TAF3: variants seen among roughly 807,000 people sequenced by gnomAD.
TAF3 encodes the protein transcription initiation factor TFIID subunit 3.
Under a neutral mutation model 80.6 loss-of-function variants are expected in TAF3, and 7 were observed. The observed-to-expected ratio is 0.09, with a 90% CI of 0.05 to 0.16. TAF3 has a LOEUF of 0.16. Ranked by LOEUF, TAF3 falls within the 10% of genes least tolerant of loss-of-function variation. The pLI is 1.00. For synonymous variants in TAF3, 444 were observed against 446.1 expected (o/e 1.00, Z 0.06); for missense variants, 921 against 1,140.2 (o/e 0.81, Z 2.77).
chr10:7,894,060 A>G (rs756779096), intron 2 of TAF3, among the ~76,000 whole-genome samples: 13 of 152,164 alleles, frequency 8.5e-5, no homozygotes, highest in Non-Finnish European at 1.5e-4. Flanking sequence ...ATTTTGTTTT[A>G]TTAGTACTAA....
intron 2 of TAF3, among the ~76,000 whole-genome samples, chr10:7,836,170 C>A (rs1490687195): frequency 2.0e-5 from 3 of 152,154 alleles, no homozygotes; most frequent in African/African-American, 7.2e-5. Flanking sequence ...AGTTGACTTT[C>A]CTACTCTCAT....
chr10:7,933,619 T>C (rs746957207), intron 2 of TAF3, among the ~76,000 whole-genome samples: 54 of 152,184 alleles, frequency 3.5e-4, no homozygotes, highest in Non-Finnish European at 6.2e-4. Context: ...TTCACAGTGG[T>C]GAAGTGATAG....
chr10:7,897,437 C>T (rs1383067943), intron 2 of TAF3, among the ~76,000 whole-genome samples: 1 of 152,188 alleles, frequency 6.6e-6, no homozygotes, highest in African/African-American at 2.4e-5. Flanking sequence ...TGTATACTGT[C>T]AGAGTTTTCT....
chr10:7,852,317 C>A (rs778770722), intron 2 of TAF3, among the ~76,000 whole-genome samples: 1 of 152,198 alleles, frequency 6.6e-6, no homozygotes, highest in Non-Finnish European at 1.5e-5. Flanking sequence ...ATGTTATAAA[C>A]GTTTGTTGGT....
intron 4 of TAF3, among the ~76,000 whole-genome samples, chr10:7,992,676 G>A (rs1489009529): frequency 6.6e-6 from 1 of 152,144 alleles, no homozygotes; most frequent in Non-Finnish European, 1.5e-5. Flanking sequence ...GTAGTATTCT[G>A]TTGACCTAGT....
chr10:7,858,807 T>TGTGA (rs1837110562), intron 2 of TAF3, among the ~76,000 whole-genome samples: 1 of 86,802 alleles, frequency 1.2e-5, no homozygotes, highest in Admixed American at 1.3e-4. Context: ...TTATAGGCTC[T>TGTGA]GTGTGTGTGT....
At chr10:7,884,548 G>C (rs1837390995) in intron 2 of TAF3, among the ~76,000 whole-genome samples, 2 of 151,998 alleles carry the variant, frequency 1.3e-5, no homozygotes, top group African/African-American at 4.8e-5. Flanking sequence ...CACCATGCCT[G>C]GCTAATTTTT....
At chr10:7,873,500 A>G (rs1218198745) in intron 2 of TAF3, among the ~76,000 whole-genome samples, 3 of 152,194 alleles carry the variant, frequency 2.0e-5, no homozygotes, top group East Asian at 1.9e-4. Context: ...TCTTTTATGC[A>G]TTAGTCACTG....
At position 7,904,789 on chromosome 10, in the gene TAF3, G is replaced by C. The variant is rs551091284; in HGVS notation, c.410-59131G>C. 1.6e-3 allele frequency among the ~76,000 whole-genome samples: 242 copies of C among 152,216 alleles called. 3 individuals are homozygous for C. The highest frequency in any genetic ancestry group is 7.5e-3 in the South Asian group (36 of 4,816). ...CATTTGAAACTTGGGGTTTTTTCCA[G>C]ATTCTCTGGAAAAACTGGAAGATCT... On this transcript the variant is annotated intron_variant, in intron 2 of 6. Transcript: ENST00000344293.
At chr10:7,820,310 A>C (rs998520587) in intron 1 of TAF3, among the ~76,000 whole-genome samples, 2 of 152,118 alleles carry the variant, frequency 1.3e-5, no homozygotes, top group African/African-American at 4.8e-5. Context: ...TCCCCTCTCC[A>C]GGAGAAAAAT....
intron 2 of TAF3, among the ~76,000 whole-genome samples, chr10:7,952,761 G>C (rs1256480038): frequency 1.3e-5 from 2 of 152,100 alleles, no homozygotes; most frequent in Non-Finnish European, 2.9e-5. Flanking sequence ...TGTATGAATT[G>C]TCATTGCCTA....
chr10:7,847,984 GA>G (rs141022276), intron 2 of TAF3, among the ~76,000 whole-genome samples: 26,230 of 151,930 alleles, frequency 0.17, 2,353 homozygotes, highest in South Asian at 0.26. Flanking sequence ...TGTCCAGGCT[GA>G]TCGCAAACTC....
intron 2 of TAF3, among the ~76,000 whole-genome samples, chr10:7,834,438 C>T (rs529833234): frequency 3.3e-5 from 5 of 151,634 alleles, no homozygotes; most frequent in East Asian, 1.9e-4. Context: ...GTTGTCTCCA[C>T]GCTGGGAAAT....
intron 2 of TAF3, among the ~76,000 whole-genome samples, chr10:7,827,818 G>A (rs974061849): frequency 6.6e-6 from 1 of 151,500 alleles, no homozygotes; most frequent in Non-Finnish European, 1.5e-5. Context: ...ACTTAGCTGG[G>A]CATGGTGGTG....
chr10:8,009,096 C>G lies in TAF3; in HGVS notation c.2334C>G (p.Val778=), dbSNP rs1303351099. The G allele has an allele frequency of 1.9e-6, 3 of 1,601,792 alleles. No individual in the cohort carries two copies. In the East Asian group the frequency reaches 6.8e-5, roughly 36 times the overall value. ...TTGACAGTGTCATCAGCAAGGTGGT[C>G]CCTGCCCCCGAGGCCAAGCCGGCGC... ...GQDKIVISKV[V]PAPEAKPAPS... The change falls in exon 5 of 7, where the codon GTC becomes GTG. Residue 778 remains valine, a synonymous_variant. Coordinates refer to ENST00000344293, the MANE Select transcript of TAF3 (RefSeq NM_031923.4). This position sits in a 1 kb window ranked among gnomAD's most constrained non-coding sequence, Gnocchi z 4.1.
chr10:7,852,201 C>T (rs571062896), intron 2 of TAF3, among the ~76,000 whole-genome samples: 24 of 152,190 alleles, frequency 1.6e-4, no homozygotes, highest in Non-Finnish European at 2.5e-4. Flanking sequence ...CCTCTTGCCT[C>T]AGCATTCAAA....
chr10:7,849,023 G>A (rs1030265278), intron 2 of TAF3, among the ~76,000 whole-genome samples: 1 of 152,132 alleles, frequency 6.6e-6, no homozygotes, highest in African/African-American at 2.4e-5. Flanking sequence ...AACATGGTGA[G>A]TTTATATCAC....
At chr10:7,937,753 A>G (rs1837935034) in intron 2 of TAF3, among the ~76,000 whole-genome samples, 1 of 152,248 alleles carries the variant, frequency 6.6e-6, no homozygotes, top group Non-Finnish European at 1.5e-5. Context: ...TTTCAAGAGC[A>G]CTTACTATGA....
intron 2 of TAF3, among the ~76,000 whole-genome samples, chr10:7,859,581 A>G (rs1022720040): frequency 6.6e-6 from 1 of 152,166 alleles, no homozygotes; most frequent in African/African-American, 2.4e-5. Flanking sequence ...TTTGCTGTTG[A>G]TAAAGAACCT....
Sources: allele counts gnomAD v4.1 joint callset (sites outside exome capture counted in the v4.1 genomes callset), GRCh38; gene constraint gnomAD v4.1.1; non-coding constraint Gnocchi (gnomAD v3.1); transcripts MANE v1.5; gene names NCBI Gene and HGNC (gene_info 2026-07-23, HGNC 2026-07-21).